Variants in C3orf33 observed in about 807,000 individuals in gnomAD.
The protein encoded by C3orf33 is AP-1 activity suppressor.
In C3orf33, 23 loss-of-function variants were observed where a neutral mutation model predicts 28.7. The ratio of observed to expected loss-of-function variants is 0.80; its 90% CI spans 0.58 to 1.13. The LOEUF (loss-of-function observed/expected upper bound fraction) is 1.13, where lower values mean the gene tolerates loss of function less well. C3orf33 is among the 50% of genes most tolerant of loss of function. The pLI, the probability that C3orf33 is intolerant of heterozygous loss-of-function variation, is 0.00. For synonymous variants in C3orf33, 119 were observed against 120.5 expected, an observed-to-expected ratio of 0.99 and a Z score of 0.08; for missense variants, 327 against 353.4, an observed-to-expected ratio of 0.93 and a Z score of 0.60.
chr3:155,798,770 A>G (rs1239810069), intron 2 of C3orf33, among the ~76,000 whole-genome samples: 5 of 152,164 alleles, frequency 3.3e-5, no homozygotes, highest in Admixed American at 3.3e-4. Flanking sequence ...ATAGACAAAC[A>G]GGATCATATC....
intron 2 of C3orf33, among the ~76,000 whole-genome samples, chr3:155,783,730 G>A (rs1751014136): frequency 6.6e-6 from 1 of 152,136 alleles, no homozygotes; most frequent in Non-Finnish European, 1.5e-5. Flanking sequence ...GCCTCCCAAA[G>A]TGCTAGCATT....
chr3:155,782,147 G>A (rs57810048), intron 2 of C3orf33, among the ~76,000 whole-genome samples: 3,783 of 146,074 alleles, frequency 0.026, 182 homozygotes, highest in African/African-American at 0.091. Flanking sequence ...CAGCCTGGGC[G>A]ACAAAGCAAG....
intron 3 of C3orf33, among the ~76,000 whole-genome samples, chr3:155,771,464 T>C (rs541717834): frequency 2.6e-5 from 4 of 152,206 alleles, no homozygotes; most frequent in Non-Finnish European, 4.4e-5. Context: ...GTATTTTTTG[T>C]AGAGACAGGG....
intron 2 of C3orf33, among the ~76,000 whole-genome samples, chr3:155,783,818 GT>G (rs774363808): frequency 9.9e-5 from 15 of 152,060 alleles, no homozygotes; most frequent in South Asian, 2.1e-4. Context: ...TAGTATTATT[GT>G]AACTTTGGTT....
Position 155,806,165 on chromosome 3 carries a change from C to T in C3orf33, c.88G>A (p.Ala30Thr). Residue 30 changes from alanine (A) to threonine (T), a missense_variant, in exon 1 of 5, where the codon GCA (alanine) becomes ACA (threonine). Coordinates refer to ENST00000340171, the MANE Select transcript of C3orf33 (RefSeq NM_001308229.2). ...CGGACTAGGCGCAGGTGGTCGTCTG[C>T]CCACTGCGAGATCCGAGCCACGACG... Reference protein sequence around the residue: ...PNVVARISQWADDHLRLVRNI... With the variant: ...PNVVARISQWTDDHLRLVRNI... The T allele has an allele frequency of 6.7e-7, 1 of 1,492,470 alleles. No homozygotes were observed. The allele number at this position is 1,492,470 out of a possible 1,614,324, so 92.5% of individuals were successfully genotyped here.
chr3:155,787,954 G>A lies in C3orf33; in HGVS notation c.175-12106C>T, dbSNP rs926760859. 1.1e-4 allele frequency among the ~76,000 whole-genome samples: 17 copies of A among 152,134 alleles called. No homozygotes were observed. The South Asian group carries it at 3.3e-3, about 30-fold the overall frequency. The stretch of plus-strand genomic sequence containing the variant: ...TGCCTGTAATCCCAGCACTTTGGGA[G>A]GCCGAGGCGGGCGGATCATGAGGTC... On this transcript the variant is annotated intron_variant, in intron 2 of 4. Coordinates refer to ENST00000340171, the MANE Select transcript of C3orf33 (RefSeq NM_001308229.2).
At chr3:155,789,676 G>C (rs114825171) in intron 2 of C3orf33, among the ~76,000 whole-genome samples, 2,223 of 151,758 alleles carry the variant, frequency 0.015, 27 homozygotes, top group South Asian at 0.04. Context: ...TTTTGAGAAA[G>C]AAGAACAAAA....
At chr3:155,764,311 A>C (rs1750329284) in intron 4 of C3orf33, among the ~76,000 whole-genome samples, 2 of 152,214 alleles carry the variant, frequency 1.3e-5, no homozygotes, top group Non-Finnish European at 2.9e-5. Context: ...AGAGAAACTA[A>C]ACTAAAAGTA....
chr3:155,766,596 C>T (rs1750408482), intron 4 of C3orf33, among the ~76,000 whole-genome samples: 1 of 152,210 alleles, frequency 6.6e-6, no homozygotes, highest in Admixed American at 6.5e-5. Flanking sequence ...ATGTAATATA[C>T]CCATACATAA....
rs911756706 is a variant in C3orf33, at chr3:155,767,744, A to T, written c.323-75T>A. On this transcript the variant is annotated intron_variant, in intron 3 of 4. Transcript: ENST00000340171. ...AGCAAATTCCAGTCAGTTGGCCTCC[A>T]ACAAACAAACAAATATATTATGTTT... is the stretch of plus-strand genomic sequence containing the variant. 6.3e-6 allele frequency: 6 copies of T among 953,500 alleles called. No individual in the cohort carries two copies. In the African/African-American group the frequency reaches 8.3e-5, roughly 13 times the overall value. The allele number at this position is 953,500 out of a possible 1,614,324, so 59.1% of individuals were successfully genotyped here.
chr3:155,773,918 T>C (rs1370598396), intron 3 of C3orf33, among the ~76,000 whole-genome samples: 6 of 152,206 alleles, frequency 3.9e-5, no homozygotes, highest in African/African-American at 1.4e-4. Context: ...GCAACACTCA[T>C]TAAAACTGTA....
intron 4 of C3orf33, among the ~76,000 whole-genome samples, chr3:155,764,737 T>G (rs1750345780): frequency 6.6e-6 from 1 of 151,040 alleles, no homozygotes; most frequent in Admixed American, 6.6e-5. Context: ...GTGCCTGTAA[T>G]CCCAGCCACT....
intron 2 of C3orf33, among the ~76,000 whole-genome samples, chr3:155,792,177 T>A (rs1225460438): frequency 6.6e-6 from 1 of 151,620 alleles, no homozygotes; most frequent in Non-Finnish European, 1.5e-5. Flanking sequence ...AGAACAAGAG[T>A]CTCTGCCTGG....
At chr3:155,795,504 C>G (rs916577774) in intron 2 of C3orf33, among the ~76,000 whole-genome samples, 3 of 151,862 alleles carry the variant, frequency 2.0e-5, no homozygotes, top group African/African-American at 7.3e-5. Context: ...AAAATTATAT[C>G]AAATATCTTC....
At chr3:155,771,914 G>A (rs1429284414) in intron 3 of C3orf33, among the ~76,000 whole-genome samples, 1 of 152,152 alleles carries the variant, frequency 6.6e-6, no homozygotes, top group Non-Finnish European at 1.5e-5. Context: ...TATCAAAAAG[G>A]TAGAACTTGG....
chr3:155,791,114 C>G (rs1751301964), intron 2 of C3orf33, among the ~76,000 whole-genome samples: 1 of 152,158 alleles, frequency 6.6e-6, no homozygotes, highest in Non-Finnish European at 1.5e-5. Flanking sequence ...TTCTGTCTTG[C>G]AACTTGGAAA....
intron 2 of C3orf33, among the ~76,000 whole-genome samples, chr3:155,781,819 T>C (rs1750934254): frequency 6.8e-6 from 1 of 147,402 alleles, no homozygotes; most frequent in Admixed American, 6.8e-5. Context: ...GGCTCATGCC[T>C]GTAATCCCAG....
intron 2 of C3orf33, among the ~76,000 whole-genome samples, chr3:155,786,488 C>T (rs73159021): frequency 0.099 from 14,991 of 152,010 alleles, 997 homozygotes; most frequent in Middle Eastern, 0.16. Context: ...AACCACTGTA[C>T]GCTAACAAAT....
chr3:155,765,847 C>A (rs1750386881), intron 4 of C3orf33, among the ~76,000 whole-genome samples: 1 of 152,138 alleles, frequency 6.6e-6, no homozygotes, highest in African/African-American at 2.4e-5. Flanking sequence ...TATGCCCAGC[C>A]TTTATTAACT....
Sources: allele counts gnomAD v4.1 joint callset (sites outside exome capture counted in the v4.1 genomes callset), GRCh38; gene constraint gnomAD v4.1.1; transcripts MANE v1.5; gene names NCBI Gene and HGNC (gene_info 2026-07-23, HGNC 2026-07-21).